The following RCSD1 variants were observed in gnomAD, a reference collection of about 807,000 sequenced individuals.
RCSD1 encodes the protein RCSD domain containing 1.
Under a neutral mutation model 42.5 loss-of-function variants are expected in RCSD1, and 26 were observed. The observed-to-expected ratio is 0.61, with a 90% CI of 0.45 to 0.85. The LOEUF (loss-of-function observed/expected upper bound fraction) is 0.85. Ranked by LOEUF, RCSD1 falls within the 40% of genes least tolerant of loss-of-function variation. The pLI is 0.00. For missense variants in RCSD1, 571 were observed against 528.3 expected, an observed-to-expected ratio of 1.08 and a Z score of -0.79; for synonymous variants, 220 against 212.2, an observed-to-expected ratio of 1.04 and a Z score of -0.32.
rs199673901 is a variant in RCSD1, at chr1:167,657,780, A to AT, written c.7-26112dup. Among the ~76,000 whole-genome samples the AT allele has an allele frequency of 3.6e-4, 55 of 151,710 alleles. No individual in the cohort carries two copies. In the East Asian group the frequency reaches 5.2e-3, roughly 14 times the overall value. ...TTAAAATTCTCATTTCAGCATTAAA[A>AT]TTTTTTTTCTTTATTTGATGTTTTC... On this transcript the variant is annotated intron_variant, in intron 1 of 6. Coordinates refer to ENST00000367854, the MANE Select transcript of RCSD1 (RefSeq NM_052862.4).
intron 1 of RCSD1, chr1:167,638,571 G>A (rs1192877409): frequency 6.6e-6 from 1 of 152,200 alleles, no homozygotes; most frequent in Non-Finnish European, 1.5e-5. Flanking sequence ...GAGACAACAG[G>A]CTCCTCAGCC....
chr1:167,698,879 A>AAGCTCCGCCTCCCG lies in RCSD1; in HGVS notation c.1218+1040_1218+1053dup, dbSNP rs529912032. Among the ~76,000 whole-genome samples, 1,338 of 151,596 alleles carry AAGCTCCGCCTCCCG rather than the reference A, an allele frequency of 8.8e-3. 20 individuals carry two copies. Among genetic ancestry groups the AAGCTCCGCCTCCCG allele is most frequent in the African/African-American group, 0.029 (1,178 of 41,254 alleles). On this transcript the variant is annotated intron_variant, in intron 6 of 6. Transcript: ENST00000367854. The stretch of plus-strand genomic sequence containing the variant: ...CAGTGGCGGGATCTCGGCTCACTGC[A>AAGCTCCGCCTCCCG]AGCTCCGCCTCCCGAGTTCACGCCA...
intron 6 of RCSD1, among the ~76,000 whole-genome samples, chr1:167,701,252 G>GTTCCTTTCTTTCTTTC (rs1553252221): frequency 1.0e-5 from 1 of 96,074 alleles, no homozygotes; most frequent in African/African-American, 3.7e-5. Flanking sequence ...CAATTGCCTA[G>GTTCCTTTCTTTCTTTC]TTTCTTTCTT....
At chr1:167,635,459 G>T (rs1334759222) in intron 1 of RCSD1, among the ~76,000 whole-genome samples, 2 of 152,202 alleles carry the variant, frequency 1.3e-5, no homozygotes, top group African/African-American at 4.8e-5. Flanking sequence ...ATCACAGGAG[G>T]GGGTGAATGT....
At position 167,694,320 on chromosome 1, in the gene RCSD1, A is replaced by G. The variant is rs778319771; in HGVS notation, c.474+18A>G. ...ACAACAAGGTAAATTCTAGCTCCAG[A>G]TTATGGCGGTGTGTCTGTGGAAATG... On this transcript the variant is annotated intron_variant, in intron 5 of 6. Coordinates refer to ENST00000367854, the MANE Select transcript of RCSD1 (RefSeq NM_052862.4). The G allele has an allele frequency of 3.1e-6, 5 of 1,609,388 alleles. No individual in the cohort carries two copies. In the East Asian group the frequency reaches 6.7e-5, roughly 22 times the overall value.
At chr1:167,696,399 A>G (rs1163958648) in intron 5 of RCSD1, among the ~76,000 whole-genome samples, 2 of 152,060 alleles carry the variant, frequency 1.3e-5, no homozygotes, top group Non-Finnish European at 2.9e-5. Context: ...TAAGATGGTA[A>G]AACTTAGTCA....
At chr1:167,642,938 A>G (rs1658042882) in intron 1 of RCSD1, among the ~76,000 whole-genome samples, 1 of 152,112 alleles carries the variant, frequency 6.6e-6, no homozygotes, top group African/African-American at 2.4e-5. Flanking sequence ...TGCTCCCTTA[A>G]GGCTTTCTTT....
intron 1 of RCSD1, among the ~76,000 whole-genome samples, chr1:167,632,515 TG>T (rs1276397185): frequency 2.6e-5 from 4 of 151,916 alleles, no homozygotes; most frequent in Non-Finnish European, 4.4e-5. Context: ...CTGTGTGGCT[TG>T]GGGGGTGGAG....
At chr1:167,632,665 C>T (rs2102190614) in intron 1 of RCSD1, among the ~76,000 whole-genome samples, 1 of 133,068 alleles carries the variant, frequency 7.5e-6, no homozygotes, top group East Asian at 2.3e-4. Context: ...CAGCCAGAAG[C>T]CTGACAAATC....
At chr1:167,683,877 G>C in intron 1 of RCSD1, 23 bp from the exon 2 acceptor site, 2 of 1,610,978 alleles carry the variant, frequency 1.2e-6, no homozygotes, top group Non-Finnish European at 1.7e-6. Flanking sequence ...CTGATTAACT[G>C]TTTCTTCTTC....
chr1:167,676,945 C>T (rs527758963), intron 1 of RCSD1, among the ~76,000 whole-genome samples: 8 of 152,338 alleles, frequency 5.3e-5, no homozygotes, highest in Admixed American at 2.6e-4. Context: ...TCAATGCCTG[C>T]GTGTGGGTCC....
At chr1:167,643,187 A>C (rs1658050866) in intron 1 of RCSD1, among the ~76,000 whole-genome samples, 1 of 152,206 alleles carries the variant, frequency 6.6e-6, no homozygotes, top group African/African-American at 2.4e-5. Flanking sequence ...TCACAAATGC[A>C]TGGTGGTGGT....
chr1:167,675,963 C>T (rs781424527), intron 1 of RCSD1, among the ~76,000 whole-genome samples: 74 of 152,098 alleles, frequency 4.9e-4, no homozygotes, highest in Non-Finnish European at 9.9e-4. Context: ...CTAGGCATCC[C>T]TCAGAGTATT....
intron 1 of RCSD1, among the ~76,000 whole-genome samples, chr1:167,634,580 A>G (rs1657786302): frequency 6.6e-6 from 1 of 152,242 alleles, no homozygotes; most frequent in Non-Finnish European, 1.5e-5. Flanking sequence ...ATGATGTCAC[A>G]TTTAAGTTAA....
intron 2 of RCSD1, among the ~76,000 whole-genome samples, chr1:167,684,387 G>A (rs1193834736): frequency 6.6e-6 from 1 of 152,210 alleles, no homozygotes; most frequent in Non-Finnish European, 1.5e-5. Flanking sequence ...AGGCAAGGCT[G>A]GGGCAGACTC....
intron 1 of RCSD1, among the ~76,000 whole-genome samples, chr1:167,683,591 G>A (rs1456995128): frequency 1.3e-5 from 2 of 152,160 alleles, no homozygotes; most frequent in Admixed American, 1.3e-4. Flanking sequence ...CTTTGCCGGT[G>A]GGGTCCTTGA....
intron 3 of RCSD1, among the ~76,000 whole-genome samples, chr1:167,689,700 A>G (rs1319969648): frequency 6.6e-6 from 1 of 152,064 alleles, no homozygotes; most frequent in African/African-American, 2.4e-5. Flanking sequence ...GAAATCCCCC[A>G]AATTGTTGAT....
At chr1:167,674,143 G>A (rs1214775175) in intron 1 of RCSD1, among the ~76,000 whole-genome samples, 1 of 152,190 alleles carries the variant, frequency 6.6e-6, no homozygotes. Context: ...AATATTAACT[G>A]AATGAATGAA....
At chr1:167,666,745 C>T (rs1216929248) in intron 1 of RCSD1, among the ~76,000 whole-genome samples, 1 of 152,234 alleles carries the variant, frequency 6.6e-6, no homozygotes, top group Non-Finnish European at 1.5e-5. Flanking sequence ...TCTTCCCTGC[C>T]ATGCCAGGAG....
Sources: gnomAD v4.1 joint callset for allele counts (sites outside exome capture counted in the v4.1 genomes callset) on GRCh38, gnomAD v4.1.1 for gene constraint, MANE v1.5 for transcripts, NCBI Gene and HGNC (gene_info 2026-07-23, HGNC 2026-07-21) for gene names.